SCFD2: variants seen among roughly 807,000 people sequenced by gnomAD.
SCFD2 encodes the protein sec1 family domain-containing protein 2.
In SCFD2, 54 loss-of-function variants were observed where a neutral mutation model predicts 58.9. The observed-to-expected ratio is 0.92, with a 90% CI of 0.74 to 1.15. The LOEUF is 1.15. SCFD2 is among the 50% of genes most tolerant of loss of function. SCFD2 has a pLI of 0.00. For missense variants in SCFD2, 805 were observed against 836.6 expected (o/e 0.96, Z 0.47); for synonymous variants, 321 against 335.9 (o/e 0.96, Z 0.49).
intron 2 of SCFD2, among the ~76,000 whole-genome samples, chr4:53,329,027 C>T (rs1177051630): frequency 6.6e-6 from 1 of 152,242 alleles, no homozygotes; most frequent in East Asian, 1.9e-4. Context: ...GAATATTGTG[C>T]TTTTCGGACC....
At chr4:53,322,830 T>C (rs1283207724) in intron 2 of SCFD2, among the ~76,000 whole-genome samples, 2 of 152,216 alleles carry the variant, frequency 1.3e-5, no homozygotes, top group African/African-American at 2.4e-5. Flanking sequence ...TGGGGAACTC[T>C]AGGCTGGATT....
intron 4 of SCFD2, among the ~76,000 whole-genome samples, chr4:53,178,254 G>A (rs1727411955): frequency 1.3e-5 from 2 of 152,164 alleles, no homozygotes. Flanking sequence ...CCCCTCAGTA[G>A]GGGCAGACTG....
chr4:52,910,407 C>A (rs1000674109), intron 6 of SCFD2, among the ~76,000 whole-genome samples: 2 of 152,134 alleles, frequency 1.3e-5, no homozygotes, highest in African/African-American at 4.8e-5. Flanking sequence ...ATAACATGGA[C>A]AGGCTAAATT....
At chr4:53,056,500 T>C (rs563483035) in intron 5 of SCFD2, among the ~76,000 whole-genome samples, 15 of 152,344 alleles carry the variant, frequency 9.8e-5, no homozygotes, top group African/African-American at 3.4e-4. Context: ...AATTATGTTT[T>C]ATCCACAACA....
intron 2 of SCFD2, among the ~76,000 whole-genome samples, chr4:53,339,345 T>C (rs1733787722): frequency 6.6e-6 from 1 of 150,458 alleles, no homozygotes; most frequent in Non-Finnish European, 1.5e-5. Context: ...ATACATATTA[T>C]ATGTAAATGT....
intron 4 of SCFD2, among the ~76,000 whole-genome samples, chr4:53,174,890 C>T (rs1053056445): frequency 9.9e-5 from 15 of 152,118 alleles, no homozygotes; most frequent in African/African-American, 1.4e-4. Flanking sequence ...TTTATAAGAA[C>T]GATTTATGTC....
In SCFD2 at chr4:53,280,539, A is replaced by G. The variant is rs1450609393; in HGVS notation, c.1136-6538T>C. On this transcript the variant is annotated intron_variant, in intron 3 of 8. Coordinates refer to ENST00000401642, the MANE Select transcript of SCFD2 (RefSeq NM_152540.4). ...TGGAAAAAAAAAAAAGAAAGAAAGC[A>G]ATTTTGTCTAGAATAGCATATTTAG... Among the ~76,000 whole-genome samples the G allele has an allele frequency of 3.3e-5, 5 of 152,092 alleles. No individual in the cohort carries two copies. The East Asian group carries it at 9.6e-4, about 29-fold the overall frequency.
chr4:53,220,286 A>G (rs886410802), intron 4 of SCFD2, among the ~76,000 whole-genome samples: 1 of 152,220 alleles, frequency 6.6e-6, no homozygotes, highest in African/African-American at 2.4e-5. Flanking sequence ...AAACCTGATC[A>G]GTTTATAAGC....
intron 1 of SCFD2, 47 bp from the exon 2 acceptor site, chr4:53,352,813 A>G: frequency 1.3e-6 from 2 of 1,515,856 alleles, no homozygotes; most frequent in Non-Finnish European, 1.8e-6. Flanking sequence ...TGGGAGGAAA[A>G]AGCAAGTTGG....
intron 3 of SCFD2, among the ~76,000 whole-genome samples, chr4:53,284,610 G>A (rs28524754): frequency 0.096 from 14,647 of 152,052 alleles, 1,052 homozygotes; most frequent in African/African-American, 0.19. Flanking sequence ...TGTACAATGC[G>A]TTCAACAGAT....
chr4:53,079,511 T>C (rs528723743), intron 5 of SCFD2, among the ~76,000 whole-genome samples: 1 of 152,148 alleles, frequency 6.6e-6, no homozygotes, highest in Admixed American at 6.6e-5. Context: ...ACGAAGAACA[T>C]AGCATTCTCT....
At chr4:52,994,851 T>C (rs557114148) in intron 5 of SCFD2, among the ~76,000 whole-genome samples, 1 of 152,186 alleles carries the variant, frequency 6.6e-6, no homozygotes, top group East Asian at 1.9e-4. Context: ...ATTACCATCA[T>C]CATCGTCATA....
rs760610660 is a variant in SCFD2 at position 52,970,815 on chromosome 4, G to A, written c.1562-49945C>T. 7.9e-5 allele frequency among the ~76,000 whole-genome samples: 12 copies of A among 152,318 alleles called. 1 individual carries two copies. The South Asian group carries it at 1.2e-3, about 16-fold the overall frequency. ...ACACGGCCGGGTACTCCTCTGAGAC[G>A]AAACTTCCAGAGGAACGATCAGGCA... On this transcript the variant is annotated intron_variant, in intron 5 of 8. Transcript: ENST00000401642.
chr4:52,973,092 A>G (rs1721150958), intron 5 of SCFD2, among the ~76,000 whole-genome samples: 1 of 152,228 alleles, frequency 6.6e-6, no homozygotes, highest in South Asian at 2.1e-4. Flanking sequence ...ACACCCTAAC[A>G]TCACAATTAA....
chr4:53,195,033 A>G (rs576064425), intron 4 of SCFD2, among the ~76,000 whole-genome samples: 3 of 152,122 alleles, frequency 2.0e-5, no homozygotes, highest in Admixed American at 6.6e-5. Context: ...AAAAGTCAGT[A>G]TGTATCATGT....
At chr4:52,936,227 C>T (rs1720135467) in intron 5 of SCFD2, among the ~76,000 whole-genome samples, 1 of 152,088 alleles carries the variant, frequency 6.6e-6, no homozygotes, top group African/African-American at 2.4e-5. Flanking sequence ...TAATTTATTG[C>T]TGGGTACCTG....
chr4:53,087,938 C>T (rs530761114), intron 5 of SCFD2, among the ~76,000 whole-genome samples: 3 of 152,212 alleles, frequency 2.0e-5, no homozygotes, highest in Non-Finnish European at 4.4e-5. Flanking sequence ...GGATTACAGG[C>T]ATGAGCCACC....
intron 4 of SCFD2, among the ~76,000 whole-genome samples, chr4:53,263,821 C>T (rs1221145792): frequency 1.3e-5 from 2 of 152,142 alleles, no homozygotes; most frequent in African/African-American, 4.8e-5. Flanking sequence ...GTTAAGTATT[C>T]AGGTTTTTCA....
chr4:53,250,388 T>C (rs1730316489), intron 4 of SCFD2, among the ~76,000 whole-genome samples: 1 of 152,092 alleles, frequency 6.6e-6, no homozygotes, highest in South Asian at 2.1e-4. Flanking sequence ...ATTAGACAGA[T>C]CAACAAGACA....
Sources: allele counts gnomAD v4.1 joint callset (sites outside exome capture counted in the v4.1 genomes callset), GRCh38; gene constraint gnomAD v4.1.1; transcripts MANE v1.5; gene names NCBI Gene and HGNC (gene_info 2026-07-23, HGNC 2026-07-21).